JAKMIP2: variants seen among roughly 807,000 people sequenced by gnomAD.
JAKMIP2 encodes janus kinase and microtubule-interacting protein 2.
Under a neutral mutation model 115.0 loss-of-function variants are expected in JAKMIP2, and 25 were observed. The observed-to-expected ratio is 0.22, with a 90% CI of 0.16 to 0.30. The LOEUF (loss-of-function observed/expected upper bound fraction) is 0.30, where lower values mean the gene tolerates loss of function less well. JAKMIP2 is among the 10% of genes least tolerant of loss of function. JAKMIP2 has a pLI of 1.00. For missense variants in JAKMIP2, 642 were observed against 957.6 expected, an observed-to-expected ratio of 0.67 and a Z score of 4.35; for synonymous variants, 334 against 343.6, an observed-to-expected ratio of 0.97 and a Z score of 0.31.
At chr5:147,600,281 T>C (rs958826885) in intron 21 of JAKMIP2, among the ~76,000 whole-genome samples, 3 of 152,042 alleles carry the variant, frequency 2.0e-5, no homozygotes, top group Non-Finnish European at 4.4e-5. Context: ...TAGTGGTCAA[T>C]CTGAAAAGAA....
chr5:147,631,424 C>T lies in JAKMIP2; in HGVS notation c.1864G>A (p.Glu622Lys). 1.3e-6 allele frequency: 2 copies of T among 1,598,384 alleles called. No homozygotes were observed. Among genetic ancestry groups the T allele is most frequent in the Non-Finnish European group, 1.7e-6 (2 of 1,169,874 alleles). ...AAATATCTGCCTACCTTAACACCTT[C>T]TTTCATACAGTAGATCTGTAGAGCA... Reference protein sequence around the residue: ...VSALQIYCMKEGVKDVNIPDL... With the variant: ...VSALQIYCMKKGVKDVNIPDL... The change falls in exon 14 of 22, where the codon GAA becomes AAA. Residue 622 changes from glutamate to lysine, a missense_variant. Glu to Lys is a moderately conservative substitution (Grantham distance 56). Around this residue, in one of 6 missense-constraint regions of JAKMIP2, gnomAD observed 103 missense variants for 177.6 expected, o/e 0.58. Transcript: ENST00000616793.
In JAKMIP2 at chr5:147,655,501, G is replaced by C. The variant is rs930893417; in HGVS notation, c.628-4954C>G. Among the ~76,000 whole-genome samples the C allele has an allele frequency of 2.0e-5, 3 of 152,158 alleles. No individual in the cohort carries two copies. The East Asian group carries it at 5.8e-4, about 29-fold the overall frequency. ...GTTTATTTGTGTAGAGGCATTTATA[G>C]TATTCTCTGATGGTAGTTTGTACTG... On this transcript the variant is annotated intron_variant, in intron 3 of 21. Transcript: ENST00000616793.
chr5:147,769,234 A>C (rs1755260749), intron 1 of JAKMIP2, among the ~76,000 whole-genome samples: 1 of 152,154 alleles, frequency 6.6e-6, no homozygotes, highest in African/African-American at 2.4e-5. Context: ...ACCCACCCTC[A>C]AAGTGTGAGA....
intron 1 of JAKMIP2, among the ~76,000 whole-genome samples, chr5:147,732,013 C>T (rs1753751604): frequency 1.3e-5 from 2 of 152,210 alleles, no homozygotes; most frequent in Non-Finnish European, 2.9e-5. Flanking sequence ...AACATCACTA[C>T]AGAAAATCTT....
intron 1 of JAKMIP2, among the ~76,000 whole-genome samples, chr5:147,683,372 A>G (rs1215541365): frequency 6.6e-6 from 1 of 152,126 alleles, no homozygotes; most frequent in Non-Finnish European, 1.5e-5. Flanking sequence ...CCTGCCTGTA[A>G]TCTCAGCTAT....
intron 2 of JAKMIP2, among the ~76,000 whole-genome samples, chr5:147,670,949 G>C (rs1759549973): frequency 6.6e-6 from 1 of 152,346 alleles, no homozygotes. Flanking sequence ...GAATTACTAT[G>C]AAATAAGCTA....
intron 1 of JAKMIP2, among the ~76,000 whole-genome samples, chr5:147,771,476 T>TA (rs1185513726): frequency 6.6e-6 from 1 of 152,112 alleles, no homozygotes; most frequent in African/African-American, 2.4e-5. Context: ...CTTAGATATA[T>TA]TTTAACCTGG....
Position 147,589,969 on chromosome 5 carries a change from T to C in JAKMIP2, c.*1738A>G, listed in dbSNP as rs535967582. The C allele has an allele frequency of 3.3e-5, 5 of 152,310 alleles. No individual in the cohort carries two copies. The South Asian group carries it at 1.0e-3, about 32-fold the overall frequency. The allele number at this position is 152,310 out of a possible 1,614,324, so 9.4% of individuals were successfully genotyped here. ...CTTGTTCTAAAATTGCAAATAAAAC[T>C]TTATGAAAAAGCATTTTAACCCCAT... On this transcript the variant is annotated 3_prime_UTR_variant, in exon 22 of 22. Coordinates refer to ENST00000616793, the MANE Select transcript of JAKMIP2 (RefSeq NM_001270941.2).
intron 20 of JAKMIP2, among the ~76,000 whole-genome samples, chr5:147,604,647 A>G (rs1435390728): frequency 2.0e-5 from 3 of 152,112 alleles, no homozygotes; most frequent in Admixed American, 6.5e-5. Flanking sequence ...TTGTGTGCCT[A>G]TGGAAGCTAT....
intron 20 of JAKMIP2, among the ~76,000 whole-genome samples, chr5:147,611,264 T>C (rs1189661836): frequency 6.6e-6 from 1 of 152,216 alleles, no homozygotes; most frequent in African/African-American, 2.4e-5. Flanking sequence ...GCTCAGTGTC[T>C]GCCCAAACAG....
chr5:147,689,356 T>A (rs1280224443), intron 1 of JAKMIP2, among the ~76,000 whole-genome samples: 1 of 152,160 alleles, frequency 6.6e-6, no homozygotes, highest in Non-Finnish European at 1.5e-5. Context: ...AGTGCCCTGA[T>A]CTGACTTAGC....
chr5:147,749,362 C>A (rs946165139), intron 1 of JAKMIP2, among the ~76,000 whole-genome samples: 36 of 152,094 alleles, frequency 2.4e-4, no homozygotes, highest in African/African-American at 8.4e-4. Flanking sequence ...CCTTTTTAAT[C>A]CTTATTTTAT....
chr5:147,610,102 G>T (rs1222794941), intron 20 of JAKMIP2, among the ~76,000 whole-genome samples: 5 of 152,064 alleles, frequency 3.3e-5, no homozygotes, highest in South Asian at 2.1e-4. Context: ...AAGGTTCTTA[G>T]CTTCCTTACA....
chr5:147,626,899 G>C (rs1417699099), intron 16 of JAKMIP2, among the ~76,000 whole-genome samples: 2 of 152,114 alleles, frequency 1.3e-5, no homozygotes, highest in Non-Finnish European at 2.9e-5. Flanking sequence ...GCTGAATAAG[G>C]CTCTCTTGCT....
At chr5:147,726,700 CA>C (rs1753533298) in intron 1 of JAKMIP2, among the ~76,000 whole-genome samples, 1 of 152,188 alleles carries the variant, frequency 6.6e-6, no homozygotes, top group Non-Finnish European at 1.5e-5. Context: ...GCAAGTTGGT[CA>C]GTAACAAACT....
chr5:147,624,114 C>T (rs182464752), intron 16 of JAKMIP2, among the ~76,000 whole-genome samples: 3 of 152,056 alleles, frequency 2.0e-5, no homozygotes, highest in South Asian at 2.1e-4. Context: ...ATTATAGGTG[C>T]GAGCCACCGT....
intron 21 of JAKMIP2, 36 bp downstream of exon 21, chr5:147,601,705 T>G: frequency 6.9e-7 from 1 of 1,455,824 alleles, no homozygotes; most frequent in Non-Finnish European, 9.2e-7. Context: ...CAAATACCTC[T>G]TAGAACCACA....
At chr5:147,595,348 T>C (rs775703901) in intron 21 of JAKMIP2, 12 of 435,090 alleles carry the variant, frequency 2.8e-5, no homozygotes, top group African/African-American at 8.0e-5. Flanking sequence ...GGATGAGGGA[T>C]TAGTGCCTTA....
intron 1 of JAKMIP2, among the ~76,000 whole-genome samples, chr5:147,750,479 A>G (rs1171373799): frequency 6.6e-6 from 1 of 151,880 alleles, no homozygotes; most frequent in Admixed American, 6.6e-5. Flanking sequence ...ATTAAGACTG[A>G]TGTAAAGTCT....
Sources: gnomAD v4.1 joint callset for allele counts (sites outside exome capture counted in the v4.1 genomes callset) on GRCh38, gnomAD v4.1.1 for gene constraint, gnomAD v4.1.1 regional missense constraint, MANE v1.5 for transcripts, NCBI Gene and HGNC (gene_info 2026-07-23, HGNC 2026-07-21) for gene names.